UPF3B: variants seen among roughly 807,000 people sequenced by gnomAD.
UPF3B encodes UPF3B regulator of nonsense mediated mRNA decay.
A neutral mutation model predicts 40.3 loss-of-function variants in UPF3B; 7 were observed. The ratio of observed to expected loss-of-function variants is 0.17; its 90% CI spans 0.10 to 0.33. The LOEUF (loss-of-function observed/expected upper bound fraction) is 0.33, where lower values mean the gene tolerates loss of function less well. Ranked by LOEUF, UPF3B falls within the 10% of genes least tolerant of loss-of-function variation. UPF3B has a pLI of 1.00. For missense variants in UPF3B, 229 were observed against 358.9 expected (o/e 0.64, Z 2.93); for synonymous variants, 117 against 117.3 (o/e 1.00, Z 0.01).
intron 8 of UPF3B, 81 bp downstream of exon 8, chrX:119,840,565 C>T: frequency 1.1e-6 from 1 of 939,141 alleles, no homozygotes; most frequent in Non-Finnish European, 1.5e-6. Flanking sequence ...CTACCACCAC[C>T]ACCACCAAAA....
In UPF3B at chrX:119,834,870, T is replaced by C. The variant is rs1001610533; in HGVS notation, c.*8A>G. 2 of 1,209,153 alleles carry C rather than the reference T, an allele frequency of 1.7e-6. No homozygotes were observed. The highest frequency in any genetic ancestry group is 2.2e-6 in the Non-Finnish European group (2 of 895,273). On this transcript the variant is annotated 3_prime_UTR_variant, in exon 11 of 11. Transcript: ENST00000276201. ...GACAGTCAGGACACCTAAGGCCATC[T>C]GGACTTATCACTCCTCTCCTCCTTC... is the stretch of plus-strand genomic sequence containing the variant.
At chrX:119,846,044 T>C (rs925970139) in intron 3 of UPF3B, among the ~76,000 whole-genome samples, 10 of 107,564 alleles carry the variant, frequency 9.3e-5, no homozygotes, top group African/African-American at 3.5e-4. Flanking sequence ...TATAAAATTA[T>C]CACGTTGGGC....
intron 5 of UPF3B, among the ~76,000 whole-genome samples, chrX:119,811,679 C>T (rs1176899881): frequency 9.2e-6 from 1 of 108,427 alleles, no homozygotes; most frequent in Non-Finnish European, 1.9e-5. Context: ...AGGCTGGACA[C>T]GGTGGCTCAT....
intron 4 of UPF3B, among the ~76,000 whole-genome samples, chrX:119,844,855 G>C (rs1448749593): frequency 3.6e-5 from 4 of 111,973 alleles, no homozygotes; most frequent in Non-Finnish European, 7.5e-5. Context: ...CGCCCGCCTT[G>C]GCCTCCCAAA....
At position 119,839,295 on chromosome X, in the gene UPF3B, C is replaced by T. The variant is rs186738074; in HGVS notation, c.847-768G>A. ...AGATCCATTGCAGGAATAATTTTGC[C>T]TTGAGCCTGAGAATAACATACTTAT... On this transcript the variant is annotated intron_variant, in intron 8 of 10. Coordinates refer to ENST00000276201, the MANE Select transcript of UPF3B (RefSeq NM_080632.3). Among the ~76,000 whole-genome samples, 31 of 112,085 alleles carry T rather than the reference C, an allele frequency of 2.8e-4. No individual in the cohort carries two copies. In the East Asian group the frequency reaches 7.0e-3, roughly 25 times the overall value.
At chrX:119,821,697 C>T (rs1392262416) in intron 4 of UPF3B, among the ~76,000 whole-genome samples, 1 of 110,185 alleles carries the variant, frequency 9.1e-6, no homozygotes, top group Non-Finnish European at 1.9e-5. Flanking sequence ...ACTCAGGAGG[C>T]TGAGGAAGGA....
At chrX:119,831,620 C>T (rs1332304899), downstream of UPF3B, 3 of 696,998 alleles carry the variant, frequency 4.3e-6, no homozygotes, top group Non-Finnish European at 3.4e-6. Context: ...CGCCTGGCCT[C>T]CTCCTTCTTT....
chrX:119,840,530 C>A, intron 8 of UPF3B, 116 bp downstream of exon 8: 1 of 616,423 alleles, frequency 1.6e-6, no homozygotes, highest in Non-Finnish European at 2.5e-6. Context: ...TCAAGTCAAC[C>A]TGAAGGGGTT....
intron 5 of UPF3B, among the ~76,000 whole-genome samples, chrX:119,810,530 G>C (rs2055820633): frequency 8.9e-6 from 1 of 112,071 alleles, no homozygotes; most frequent in Non-Finnish European, 1.9e-5. Flanking sequence ...TGAGCTGCTT[G>C]AGAAATTTTG....
At chrX:119,844,728 C>T (rs1027179928) in intron 4 of UPF3B, among the ~76,000 whole-genome samples, 1 of 110,697 alleles carries the variant, frequency 9.0e-6, no homozygotes, top group Non-Finnish European at 1.9e-5. Flanking sequence ...CTCAGCCTCC[C>T]GAATAGCTGG....
At position 119,841,333 on chromosome X, in the gene UPF3B, G is replaced by T. The variant is rs200561756; in HGVS notation, c.625-75C>A. ...AACCCTAATAAATCCTGAAGTCATG[G>T]TAGGCCCCAACTGAATAATCTTTCC... On this transcript the variant is annotated intron_variant, in intron 6 of 10. Transcript: ENST00000276201. The T allele has an allele frequency of 7.0e-5, 83 of 1,188,415 alleles. 1 individual carries two copies. Among genetic ancestry groups the T allele is most frequent in the Admixed American group, 2.2e-5 (1 of 44,523 alleles).
At chrX:119,841,344 C>A (rs1407293014) in intron 6 of UPF3B, 86 bp from the exon 7 acceptor site, 11 of 1,173,580 alleles carry the variant, frequency 9.4e-6, no homozygotes, top group Non-Finnish European at 1.0e-5. Flanking sequence ...TAGGCCCCAA[C>A]TGAATAATCT....
intron 1 of UPF3B, 23 bp downstream of exon 1, chrX:119,852,750 C>G (rs777710883): frequency 4.1e-6 from 5 of 1,212,219 alleles, no homozygotes; most frequent in Middle Eastern, 2.4e-4. Context: ...CGCCCTCTCC[C>G]GGGCCAGCGG....
intron 1 of UPF3B, 29 bp from the exon 2 acceptor site, chrX:119,851,902 T>C: frequency 9.8e-7 from 1 of 1,022,918 alleles, no homozygotes; most frequent in South Asian, 2.0e-5. Flanking sequence ...AAAATAAAAT[T>C]AGTACAAATC....
chrX:119,852,096 A>G (rs916155351), intron 1 of UPF3B, among the ~76,000 whole-genome samples: 7 of 111,272 alleles, frequency 6.3e-5, no homozygotes, highest in Non-Finnish European at 1.3e-4. Flanking sequence ...GAGCAAGGAA[A>G]AATCGCAGGT....
chrX:119,819,053 C>CTT lies in UPF3B; in HGVS notation c.495-3748_495-3747dup, dbSNP rs561336054. On this transcript the variant is annotated intron_variant, in intron 4 of 6. Coordinates refer to the UPF3B transcript ENST00000636792. ...GAGGGCCGAAGAATAGTAACACCAG[C>CTT]TTTTTTTTTTTTTTTTTTGAGACCA... 2.0e-3 allele frequency among the ~76,000 whole-genome samples: 174 copies of CTT among 88,391 alleles called. 2 individuals are homozygous for CTT. The highest frequency in any genetic ancestry group is 8.2e-3 in the South Asian group (15 of 1,822). The allele number at this position is 88,391 out of a possible 115,157, so 76.8% of individuals were successfully genotyped here.
At chrX:119,836,644 ACTATT>A (rs2056095710) in intron 10 of UPF3B, among the ~76,000 whole-genome samples, 1 of 106,735 alleles carries the variant, frequency 9.4e-6, no homozygotes, top group Non-Finnish European at 1.9e-5. Flanking sequence ...AGTTCATCAT[ACTATT>A]CGATTTTTTT....
At chrX:119,837,652 G>T in intron 10 of UPF3B, 105 bp downstream of exon 10, 669 of 641,482 alleles carry the variant, frequency 1.0e-3, no homozygotes, top group Non-Finnish European at 1.5e-3. Flanking sequence ...GATGATTAAA[G>T]TTCCCCTTTA....
chrX:119,819,530 C>T (rs960193056), intron 4 of UPF3B, among the ~76,000 whole-genome samples: 3 of 111,530 alleles, frequency 2.7e-5, no homozygotes, highest in Admixed American at 1.9e-4. Flanking sequence ...ACCTTACAGT[C>T]GGGATTTAGC....
Sources: allele counts gnomAD v4.1 joint callset (sites outside exome capture counted in the v4.1 genomes callset), GRCh38; gene constraint gnomAD v4.1.1; transcripts MANE v1.5; gene names NCBI Gene and HGNC (gene_info 2026-07-23, HGNC 2026-07-21).